Variants in GML observed in about 807,000 individuals in gnomAD.
GML encodes glycosylphosphatidylinositol anchored molecule like, also known as glycosyl-phosphatidylinositol-anchored molecule-like protein.
Under a neutral mutation model 8.2 loss-of-function variants are expected in GML, and 5 were observed. The observed-to-expected ratio is 0.61, with a 90% CI of 0.32 to 1.28. The LOEUF (loss-of-function observed/expected upper bound fraction) is 1.28. Ranked by LOEUF, GML falls within the 50% of genes most tolerant of loss-of-function variation. The pLI is 0.06. For synonymous variants in GML, 72 were observed against 69.0 expected, an observed-to-expected ratio of 1.04 and a Z score of -0.22; for missense variants, 191 against 198.3, an observed-to-expected ratio of 0.96 and a Z score of 0.22.
chr8:142,842,794 T>C lies in GML; in HGVS notation c.181+1569T>C, dbSNP rs1477464634. 2.0e-5 allele frequency among the ~76,000 whole-genome samples: 3 copies of C among 152,196 alleles called. No individual in the cohort carries two copies. The East Asian group carries it at 5.8e-4, about 29-fold the overall frequency. On this transcript the variant is annotated intron_variant, in intron 3 of 3. Coordinates refer to ENST00000220940, the MANE Select transcript of GML (RefSeq NM_002066.3). The stretch of plus-strand genomic sequence containing the variant: ...TGCAAGAGACTCCTCTGCACAGCCT[T>C]ACTTGAGAGGATAACGGTGCATGGC...
intron 1 of GML, among the ~76,000 whole-genome samples, chr8:142,839,172 A>G (rs1816387730): frequency 1.3e-5 from 2 of 152,066 alleles, no homozygotes; most frequent in South Asian, 4.1e-4. Context: ...GCTGGGTCTC[A>G]GGGGAATGGG....
chr8:142,844,268 T>G (rs904496477), intron 3 of GML, among the ~76,000 whole-genome samples: 1 of 152,218 alleles, frequency 6.6e-6, no homozygotes. Context: ...TGTTAGATAT[T>G]TATACACAAT....
rs77596800 is a variant in GML, at chr8:142,841,250, C to T, written c.181+25C>T. 444 of 1,143,894 alleles carry T rather than the reference C, an allele frequency of 3.9e-4. 2 individuals carry two copies. The African/African-American group carries it at 5.8e-3, about 15-fold the overall frequency. The allele number at this position is 1,143,894 out of a possible 1,614,324, so 70.9% of individuals were successfully genotyped here. On this transcript the variant is annotated intron_variant, in intron 3 of 3. Coordinates refer to ENST00000220940, the MANE Select transcript of GML (RefSeq NM_002066.3). Reference sequence around the variant, plus strand: ...CGTAAGTACCTCTTTGTCATTTTGACACATTGTAGATTAGTCCCCTACCTG... The same window carrying T: ...CGTAAGTACCTCTTTGTCATTTTGATACATTGTAGATTAGTCCCCTACCTG...
chr8:142,844,566 C>T (rs75347802), intron 3 of GML, among the ~76,000 whole-genome samples: 1 of 152,128 alleles, frequency 6.6e-6, no homozygotes, highest in Non-Finnish European at 1.5e-5. Flanking sequence ...TACTAAAGTA[C>T]TTGTGTTCAT....
rs376074745 is a variant in GML, at chr8:142,836,673, A to G, written c.-23+1805A>G. On this transcript the variant is annotated intron_variant, in intron 1 of 3. Transcript: ENST00000220940. ...GAAAGCTTGGAGGTGGTTGTATGTT[A>G]CTACTGGGGATGTGTGCCCTCTCCT... Among the ~76,000 whole-genome samples, 5 of 152,278 alleles carry G rather than the reference A, an allele frequency of 3.3e-5. No individual in the cohort carries two copies. In the East Asian group the frequency reaches 5.8e-4, roughly 18 times the overall value.
At chr8:142,835,799 A>G (rs1586541852) in intron 1 of GML, among the ~76,000 whole-genome samples, 1 of 151,716 alleles carries the variant, frequency 6.6e-6, no homozygotes. Context: ...TGTCCTTGTC[A>G]CCTCTTGCAA....
chr8:142,839,498 G>A (rs115446880), intron 1 of GML, among the ~76,000 whole-genome samples: 82 of 152,256 alleles, frequency 5.4e-4, no homozygotes, highest in Middle Eastern at 3.4e-3. Flanking sequence ...CTGCGGTGGA[G>A]GGAGCTACAC....
intron 2 of GML, 127 bp from the exon 3 acceptor site, chr8:142,840,991 C>G: frequency 3.1e-6 from 2 of 654,694 alleles, no homozygotes; most frequent in Non-Finnish European, 5.6e-6. Flanking sequence ...CTGAGCTGTG[C>G]AGGCTAGGAG....
chr8:142,839,607 C>A (rs1242254814), intron 1 of GML, among the ~76,000 whole-genome samples: 1 of 152,232 alleles, frequency 6.6e-6, no homozygotes, highest in African/African-American at 2.4e-5. Context: ...GCACTGCGGG[C>A]TGACCTGCTC....
At chr8:142,839,878 A>T (rs1030943964) in intron 1 of GML, among the ~76,000 whole-genome samples, 3 of 151,998 alleles carry the variant, frequency 2.0e-5, no homozygotes, top group Admixed American at 6.6e-5. Context: ...GGAAGACTTG[A>T]TTTTGGGAGG....
chr8:142,846,268 T>C, intron 3 of GML, 127 bp from the exon 4 acceptor site: 1 of 643,874 alleles, frequency 1.6e-6, no homozygotes. Context: ...TAGACAATTT[T>C]ATCACAGCTG....
intron 3 of GML, among the ~76,000 whole-genome samples, chr8:142,842,417 G>T (rs1280994777): frequency 6.6e-6 from 1 of 152,150 alleles, no homozygotes; most frequent in African/African-American, 2.4e-5. Context: ...TCTCCACAGT[G>T]GCCACTGCTG....
chr8:142,844,823 C>T (rs1816483694), intron 3 of GML, among the ~76,000 whole-genome samples: 1 of 152,158 alleles, frequency 6.6e-6, no homozygotes, highest in Non-Finnish European at 1.5e-5. Flanking sequence ...TGTGCACAAT[C>T]CCTCAGACTA....
At chr8:142,835,784 G>A (rs1816331564) in intron 1 of GML, among the ~76,000 whole-genome samples, 1 of 152,208 alleles carries the variant, frequency 6.6e-6, no homozygotes, top group South Asian at 2.1e-4. Context: ...CGGCTCTGAA[G>A]TGTCTGTCCT....
At chr8:142,840,350 A>G in intron 1 of GML, 66 bp from the exon 2 acceptor site, 2 of 1,005,120 alleles carry the variant, frequency 2.0e-6, no homozygotes, top group Non-Finnish European at 3.2e-6. Context: ...CGTTGAGGCC[A>G]GGGGCATAGA....
At chr8:142,843,674 A>G (rs552860843) in intron 3 of GML, among the ~76,000 whole-genome samples, 2 of 152,252 alleles carry the variant, frequency 1.3e-5, no homozygotes, top group Non-Finnish European at 2.9e-5. Context: ...TTACAAAATC[A>G]GTTGTCCTTT....
chr8:142,836,743 A>G (rs1816346919), intron 1 of GML, among the ~76,000 whole-genome samples: 1 of 152,102 alleles, frequency 6.6e-6, no homozygotes, highest in Non-Finnish European at 1.5e-5. Context: ...GGCTTGCTCA[A>G]AGGTGGAGGC....
intron 3 of GML, among the ~76,000 whole-genome samples, chr8:142,843,740 A>G (rs916794321): frequency 6.6e-6 from 1 of 152,244 alleles, no homozygotes; most frequent in African/African-American, 2.4e-5. Context: ...TCTTTAAAGT[A>G]TCACAAAATC....
intron 1 of GML, among the ~76,000 whole-genome samples, chr8:142,839,686 C>T (rs551211185): frequency 3.3e-5 from 5 of 152,138 alleles, no homozygotes; most frequent in Admixed American, 1.3e-4. Context: ...GGAGACAGTG[C>T]GTTTGCAGGA....
Sources: gnomAD v4.1 joint callset for allele counts (sites outside exome capture counted in the v4.1 genomes callset) on GRCh38, gnomAD v4.1.1 for gene constraint, MANE v1.5 for transcripts, NCBI Gene and HGNC (gene_info 2026-07-23, HGNC 2026-07-21) for gene names.